AXDND1: variants seen among roughly 807,000 people sequenced by gnomAD.
The protein encoded by AXDND1 is axonemal dynein light chain domain-containing protein 1.
In AXDND1, 110 loss-of-function variants were observed where a neutral mutation model predicts 137.5. The ratio of observed to expected loss-of-function variants is 0.80; its 90% CI spans 0.69 to 0.94. AXDND1 has a LOEUF of 0.94. Ranked by LOEUF, AXDND1 falls within the 40% of genes least tolerant of loss-of-function variation. AXDND1 has a pLI of 0.00. For synonymous variants in AXDND1, 414 were observed against 399.7 expected (o/e 1.04, Z -0.43); for missense variants, 1,191 against 1,169.8 (o/e 1.02, Z -0.26).
chr1:179,491,701 C>G lies in AXDND1; in HGVS notation c.2255C>G (p.Thr752Arg), dbSNP rs1427458636. Residue 752 changes from threonine (T) to arginine (R), a missense_variant, in exon 19 of 26, where the codon ACA (threonine) becomes AGA (arginine). Transcript: ENST00000367618. ...ARLELDAIEL[T>R]RKLYQYSSYL... ...TTGGAGCTAGATGCGATTGAACTGA[C>G]AAGGAAGTTGTACCAATACTCCAGC... 4.4e-6 allele frequency: 7 copies of G among 1,591,266 alleles called. No homozygotes were observed. Among genetic ancestry groups the G allele is most frequent in the Admixed American group, 3.6e-5 (2 of 55,610 alleles).
chr1:179,428,496 A>G (rs917429717), intron 12 of AXDND1, among the ~76,000 whole-genome samples: 3 of 152,262 alleles, frequency 2.0e-5, no homozygotes, highest in African/African-American at 7.2e-5. Flanking sequence ...GATTTCTTAT[A>G]TTAGTGGTTC....
In AXDND1 at chr1:179,549,993, T is replaced by C. The variant is rs533752150; in HGVS notation, c.3032-4519T>C. ...TGCTTTCTTGTTTCTGACACCATAC[T>C]CCTGGGTCTGGTAGATTTTGTTACC... On this transcript the variant is annotated intron_variant, in intron 25 of 25. Coordinates refer to ENST00000367618, the MANE Select transcript of AXDND1 (RefSeq NM_144696.6). 3.3e-5 allele frequency among the ~76,000 whole-genome samples: 5 copies of C among 152,272 alleles called. No homozygotes were observed. In the East Asian group the frequency reaches 9.7e-4, roughly 29 times the overall value.
intron 21 of AXDND1, 52 bp downstream of exon 21, chr1:179,509,455 AG>A (rs1314897854): frequency 8.5e-7 from 1 of 1,181,306 alleles, no homozygotes; most frequent in Admixed American, 1.9e-5. Context: ...CCTGTATTTC[AG>A]TACAGAAGGT....
chr1:179,397,666 C>T (rs1037548012), intron 11 of AXDND1, among the ~76,000 whole-genome samples: 1 of 152,152 alleles, frequency 6.6e-6, no homozygotes, highest in Non-Finnish European at 1.5e-5. Context: ...CACATTTCTC[C>T]AAGGTTTTGT....
intron 20 of AXDND1, among the ~76,000 whole-genome samples, chr1:179,499,437 T>C (rs1667778112): frequency 6.6e-6 from 1 of 152,092 alleles, no homozygotes; most frequent in Admixed American, 6.6e-5. Context: ...TAGGCAAATC[T>C]ATAGAGACAG....
At chr1:179,375,757 G>A (rs930563752) in intron 4 of AXDND1, among the ~76,000 whole-genome samples, 1 of 152,068 alleles carries the variant, frequency 6.6e-6, no homozygotes, top group African/African-American at 2.4e-5. Flanking sequence ...AGATCTTTGT[G>A]ACTATGTAAA....
intron 12 of AXDND1, among the ~76,000 whole-genome samples, chr1:179,428,187 A>G (rs1383485653): frequency 2.6e-5 from 4 of 152,256 alleles, no homozygotes; most frequent in Non-Finnish European, 5.9e-5. Context: ...GGAAACAATC[A>G]TGACAGTAAA....
intron 2 of AXDND1, 40 bp from the exon 3 acceptor site, chr1:179,368,760 A>T: frequency 6.6e-7 from 1 of 1,519,876 alleles, no homozygotes; most frequent in South Asian, 1.3e-5. Flanking sequence ...AACTTAAAAA[A>T]ATATATAGTA....
intron 25 of AXDND1, chr1:179,551,069 A>C (rs1204284234): frequency 5.6e-6 from 8 of 1,440,276 alleles, no homozygotes; most frequent in Non-Finnish European, 7.8e-6. Flanking sequence ...GCCATTCCAT[A>C]TGGCAACCAA....
intron 18 of AXDND1, among the ~76,000 whole-genome samples, chr1:179,490,996 G>T (rs79965475): frequency 0.024 from 3,699 of 152,244 alleles, 162 homozygotes; most frequent in African/African-American, 0.084. Context: ...GAGAATTGTA[G>T]GTTCTCACAG....
chr1:179,514,845 GC>G (rs1459970622), intron 21 of AXDND1, among the ~76,000 whole-genome samples: 4 of 152,084 alleles, frequency 2.6e-5, no homozygotes, highest in Non-Finnish European at 5.9e-5. Context: ...AACTGCTGTT[GC>G]TTTAAAGTTT....
In AXDND1 at chr1:179,471,129, T is replaced by G. The variant is rs574997859; in HGVS notation, c.1997+2488T>G. 5.9e-5 allele frequency among the ~76,000 whole-genome samples: 9 copies of G among 152,326 alleles called. No individual in the cohort carries two copies. In the South Asian group the frequency reaches 1.9e-3, roughly 32 times the overall value. On this transcript the variant is annotated intron_variant, in intron 17 of 25. Transcript: ENST00000367618. ...AATTGTGTAAAATACTTTTGATCAG[T>G]TCAGGATTCTGTTTGCTAGTCTTTG...
At chr1:179,391,404 C>A (rs958516188) in intron 9 of AXDND1, among the ~76,000 whole-genome samples, 8 of 152,020 alleles carry the variant, frequency 5.3e-5, no homozygotes, top group Non-Finnish European at 7.4e-5. Context: ...TTGCCATAAT[C>A]CCCACATGTT....
intron 4 of AXDND1, among the ~76,000 whole-genome samples, chr1:179,376,564 G>A (rs976210556): frequency 8.6e-5 from 13 of 152,004 alleles, no homozygotes; most frequent in African/African-American, 2.9e-4. Flanking sequence ...TACACTTTTC[G>A]GTTGCTTACC....
intron 20 of AXDND1, among the ~76,000 whole-genome samples, chr1:179,498,525 G>A (rs1667682567): frequency 6.6e-6 from 1 of 152,040 alleles, no homozygotes; most frequent in Non-Finnish European, 1.5e-5. Flanking sequence ...ATTGACCTTG[G>A]CAAATAATTT....
At chr1:179,458,395 C>T (rs1661727747) in intron 16 of AXDND1, among the ~76,000 whole-genome samples, 1 of 151,966 alleles carries the variant, frequency 6.6e-6, no homozygotes, top group Admixed American at 6.6e-5. Context: ...GGAAAATCCT[C>T]CAAATTGTTT....
chr1:179,437,626 C>G (rs1249300888), intron 15 of AXDND1, among the ~76,000 whole-genome samples: 2 of 152,074 alleles, frequency 1.3e-5, no homozygotes, highest in Non-Finnish European at 2.9e-5. Flanking sequence ...GGCTGGGCAG[C>G]TCTCATTTTC....
In AXDND1 at chr1:179,512,505, C is replaced by T. The variant is rs572264168; in HGVS notation, c.2496+3102C>T. On this transcript the variant is annotated intron_variant, in intron 21 of 25. Coordinates refer to ENST00000367618, the MANE Select transcript of AXDND1 (RefSeq NM_144696.6). ...TTGAAATCAGGTAGTGCGATGCCTT[C>T]AGATTTGTTCTTCATGCTTAGTCTT... 2.0e-5 allele frequency among the ~76,000 whole-genome samples: 3 copies of T among 152,278 alleles called. 1 individual carries two copies. In the South Asian group the frequency reaches 6.2e-4, roughly 32 times the overall value.
intron 25 of AXDND1, among the ~76,000 whole-genome samples, chr1:179,550,086 C>G (rs1673056760): frequency 6.6e-6 from 1 of 152,078 alleles, no homozygotes; most frequent in Non-Finnish European, 1.5e-5. Flanking sequence ...TTTCGGCACC[C>G]CTGCATAGTT....
Sources: gnomAD v4.1 joint callset for allele counts (sites outside exome capture counted in the v4.1 genomes callset) on GRCh38, gnomAD v4.1.1 for gene constraint, MANE v1.5 for transcripts, NCBI Gene and HGNC (gene_info 2026-07-23, HGNC 2026-07-21) for gene names.